KCNT1: variants seen among roughly 807,000 people sequenced by gnomAD.
KCNT1 encodes potassium channel subfamily T member 1.
KCNT1 carries 78 observed loss-of-function variants against 147.8 expected under a neutral mutation model. The ratio of observed to expected loss-of-function variants is 0.53; its 90% CI spans 0.44 to 0.64. The LOEUF is 0.64. Among genes scored for constraint, KCNT1 ranks in the 30% least tolerant of loss-of-function variants. KCNT1 has a pLI of 0.00. For synonymous variants in KCNT1, 867 were observed against 748.8 expected (o/e 1.16, Z -2.58); for missense variants, 1,419 against 1,750.3 (o/e 0.81, Z 3.38).
chr9:135,775,750 G>A (rs947500519), intron 20 of KCNT1, among the ~76,000 whole-genome samples: 10 of 152,250 alleles, frequency 6.6e-5, no homozygotes, highest in African/African-American at 2.2e-4. Flanking sequence ...CGTAACTACA[G>A]CTCATTAGGA....
intron 1 of KCNT1, among the ~76,000 whole-genome samples, chr9:135,711,663 C>G (rs1157628001): frequency 6.6e-6 from 1 of 152,222 alleles, no homozygotes; most frequent in African/African-American, 2.4e-5. Context: ...ACGGGGACTT[C>G]CTGTTGCCGT....
chr9:135,732,435 C>T (rs553063889), intron 2 of KCNT1, among the ~76,000 whole-genome samples: 1 of 152,300 alleles, frequency 6.6e-6, no homozygotes, highest in South Asian at 2.1e-4. Flanking sequence ...TGTGCCTTTG[C>T]TGTGCTGGTC....
intron 2 of KCNT1, among the ~76,000 whole-genome samples, chr9:135,725,559 T>C (rs1248013568): frequency 6.6e-6 from 1 of 152,200 alleles, no homozygotes; most frequent in Non-Finnish European, 1.5e-5. Context: ...TTTTGCATTC[T>C]GGTCTCCAGA....
intron 15 of KCNT1, 70 bp downstream of exon 15, chr9:135,769,007 G>A (rs1832529679): frequency 8.3e-7 from 1 of 1,200,856 alleles, no homozygotes; most frequent in Non-Finnish European, 1.2e-6. Context: ...GGGTGATGGT[G>A]CATCTGGGGC....
chr9:135,740,826 A>G (rs926970770), intron 2 of KCNT1, among the ~76,000 whole-genome samples: 1 of 152,210 alleles, frequency 6.6e-6, no homozygotes, highest in African/African-American at 2.4e-5. Flanking sequence ...CCGCTGGGAC[A>G]GGCGAGCATC....
rs1294130828 is a variant in KCNT1, at chr9:135,715,077, T to C, written c.254+357T>C. Among the ~76,000 whole-genome samples, 3 of 152,136 alleles carry C rather than the reference T, an allele frequency of 2.0e-5. No individual in the cohort carries two copies. In the East Asian group the frequency reaches 5.8e-4, roughly 29 times the overall value. On this transcript the variant is annotated intron_variant, in intron 2 of 30. Transcript: ENST00000371757. ...CAAGCCAGGGCCGGAAGCGCCCCGG[T>C]GGCGGAGCCCGCAGCCTGGCTGAGG...
At chr9:135,756,795 G>T in intron 6 of KCNT1, 78 bp from the exon 7 acceptor site, 4 of 1,175,384 alleles carry the variant, frequency 3.4e-6, no homozygotes, top group Non-Finnish European at 3.8e-6. Flanking sequence ...TGTGGTACCT[G>T]CCCGCGAGGC....
chr9:135,725,088 C>T lies in KCNT1; in HGVS notation c.254+10368C>T, dbSNP rs1190954290. On this transcript the variant is annotated intron_variant, in intron 2 of 30. Transcript: ENST00000371757. ...GTGGTGGACACATGACAAACCCAGC[C>T]CAGGATCCCTTGGTGGCTCAATGGC... Among the ~76,000 whole-genome samples, 6 of 152,198 alleles carry T rather than the reference C, an allele frequency of 3.9e-5. No individual in the cohort carries two copies. In the South Asian group the frequency reaches 8.3e-4, roughly 21 times the overall value.
intron 2 of KCNT1, among the ~76,000 whole-genome samples, chr9:135,749,730 T>C (rs949478473): frequency 6.6e-6 from 1 of 152,164 alleles, no homozygotes; most frequent in African/African-American, 2.4e-5. Context: ...CCCAGGGCCA[T>C]ATGGGCAACT....
rs1248807515 is a variant in KCNT1 at position 135,794,547 on chromosome 9, GCCC to G, written c.*2389_*2391del. 6.6e-6 allele frequency: 1 copy of G among 152,278 alleles called. No homozygotes were observed. The highest frequency in any genetic ancestry group is 1.5e-5 in the Non-Finnish European group (1 of 68,078). The allele number at this position is 152,278 out of a possible 1,614,324, so 9.4% of individuals were successfully genotyped here. ...TAACCGCAGAGGATGCCAGCTCTAG[GCCC>G]CCTGCTCCGCCTGGAGCTCATGCGG... On this transcript the variant is annotated 3_prime_UTR_variant, in exon 31 of 31. Transcript: ENST00000371757.
At chr9:135,777,739 C>A (rs116005037) in intron 21 of KCNT1, among the ~76,000 whole-genome samples, 3 of 147,144 alleles carry the variant, frequency 2.0e-5, no homozygotes, top group Non-Finnish European at 3.0e-5. Context: ...TCCTCCCCAC[C>A]CCCAGCTCCT....
chr9:135,725,165 C>A (rs546169024), intron 2 of KCNT1, among the ~76,000 whole-genome samples: 36 of 151,694 alleles, frequency 2.4e-4, no homozygotes, highest in African/African-American at 8.2e-4. Context: ...AAGGGCGGGG[C>A]CTGTCGAGGG....
chr9:135,784,982 C>A, intron 27 of KCNT1, 93 bp downstream of exon 27: 1 of 1,525,026 alleles, frequency 6.6e-7, no homozygotes, highest in Non-Finnish European at 8.8e-7. Context: ...ACTGTGGCAG[C>A]CCCTGTCCTG....
intron 13 of KCNT1, among the ~76,000 whole-genome samples, chr9:135,766,950 G>A (rs1832331534): frequency 6.6e-6 from 1 of 152,180 alleles, no homozygotes. Context: ...CGGGCTGAAG[G>A]TAGAGTTCCT....
intron 2 of KCNT1, among the ~76,000 whole-genome samples, chr9:135,734,257 T>G (rs1488948454): frequency 6.6e-6 from 1 of 152,202 alleles, no homozygotes; most frequent in Non-Finnish European, 1.5e-5. Flanking sequence ...AAGGCTCACG[T>G]GGCTCTGTGG....
At chr9:135,766,984 A>G (rs1832333347) in intron 13 of KCNT1, among the ~76,000 whole-genome samples, 1 of 152,192 alleles carries the variant, frequency 6.6e-6, no homozygotes. Context: ...TGACAGAGTG[A>G]CAAGGTAACA....
intron 7 of KCNT1, 36 bp downstream of exon 7, chr9:135,756,968 T>TCCCCACCCTCCCCACCCTCCCCAGCCTC: frequency 2.3e-6 from 2 of 852,574 alleles, no homozygotes; most frequent in East Asian, 7.5e-5. Context: ...TCACAGGGGG[T>TCCCCACCCTCCCCACCCTCCCCAGCCTC]CCCCACCCTC....
chr9:135,782,843 A>G (rs1447125826), intron 24 of KCNT1, among the ~76,000 whole-genome samples: 2 of 152,190 alleles, frequency 1.3e-5, no homozygotes, highest in Non-Finnish European at 2.9e-5. Flanking sequence ...ATCGCAGCTC[A>G]TCGCACCTGG....
In KCNT1 at chr9:135,742,892, G is replaced by A. The variant is rs1830637608; in HGVS notation, c.255-7206G>A. On this transcript the variant is annotated intron_variant, in intron 2 of 30. Coordinates refer to ENST00000371757, the MANE Select transcript of KCNT1 (RefSeq NM_020822.3). ...GGTGTGAGAGCCCTTGTTTCTGGGG[G>A]GTCCCCTCAACCCAGCATCCCCTGC... is the stretch of plus-strand genomic sequence containing the variant. 5.7e-6 allele frequency: 4 copies of A among 706,258 alleles called. No homozygotes were observed. In the Admixed American group the frequency reaches 8.1e-5, roughly 14 times the overall value. 43.7% of individuals were successfully genotyped at this position (706,258 alleles called of 1,614,324 possible).
Sources: allele counts gnomAD v4.1 joint callset (sites outside exome capture counted in the v4.1 genomes callset), GRCh38; gene constraint gnomAD v4.1.1; transcripts MANE v1.5; gene names NCBI Gene and HGNC (gene_info 2026-07-23, HGNC 2026-07-21).